The following INPP4A variants were observed in gnomAD, a reference collection of about 807,000 sequenced individuals.
The protein encoded by INPP4A is inositol polyphosphate-4-phosphatase type I A, also known as inositol polyphosphate-4-phosphatase, type I, 107kD.
In INPP4A, 33 loss-of-function variants were observed where a neutral mutation model predicts 119.8. That is an observed-to-expected ratio of 0.28 (90% CI 0.21 to 0.37). INPP4A has a LOEUF of 0.37. INPP4A is among the 10% of genes least tolerant of loss of function. INPP4A has a pLI of 1.00. For missense variants in INPP4A, 956 were observed against 1,289.9 expected (o/e 0.74, Z 3.97); for synonymous variants, 496 against 500.7 (o/e 0.99, Z 0.12).
intron 24 of INPP4A, chr2:98,581,586 C>T (rs756656651): frequency 1.4e-5 from 22 of 1,545,700 alleles, no homozygotes; most frequent in Middle Eastern, 1.7e-4. Flanking sequence ...CATTGGAACA[C>T]GGGAGGTAGT....
At position 98,474,622 on chromosome 2, in the gene INPP4A, G is replaced by A. The variant is rs143985197; in HGVS notation, c.-166+29537G>A. Among the ~76,000 whole-genome samples, 28 of 152,276 alleles carry A rather than the reference G, an allele frequency of 1.8e-4. No individual in the cohort carries two copies. The East Asian group carries it at 5.2e-3, about 28-fold the overall frequency. ...CTGGCCCTAGCCCTGGGCCTTTGTTGTACCTTGATGCCCTGGGAGGCAGCA... is the reference window on the plus strand; with the variant it reads ...CTGGCCCTAGCCCTGGGCCTTTGTTATACCTTGATGCCCTGGGAGGCAGCA... On this transcript the variant is annotated intron_variant, in intron 1 of 24. Transcript: ENST00000409851.
chr2:98,587,757 A>C lies in INPP4A; in HGVS notation c.*149A>C. On this transcript the variant is annotated 3_prime_UTR_variant, in exon 25 of 25. Transcript: ENST00000409851. ...CATTTCACTAAAGAGTCTCTGGAGC[A>C]TGTTTTTTGTTTTTTGGGTTTTTTT... 1.5e-6 allele frequency: 1 copy of C among 669,102 alleles called. No homozygotes were observed. Among genetic ancestry groups the C allele is most frequent in the Non-Finnish European group, 2.3e-6 (1 of 425,790 alleles). 41.4% of individuals were successfully genotyped at this position (669,102 alleles called of 1,614,324 possible). A position where few individuals can be genotyped will look rare whatever the true frequency, so the allele number is the denominator to read the frequency against.
At chr2:98,532,072 T>G (rs1689342339) in intron 4 of INPP4A, among the ~76,000 whole-genome samples, 1 of 152,190 alleles carries the variant, frequency 6.6e-6, no homozygotes, top group South Asian at 2.1e-4. Context: ...GTTAGTTAGA[T>G]CACCACAGGT....
At chr2:98,540,022 C>G (rs528565082) in intron 10 of INPP4A, among the ~76,000 whole-genome samples, 1 of 152,154 alleles carries the variant, frequency 6.6e-6, no homozygotes, top group Non-Finnish European at 1.5e-5. Flanking sequence ...AGCCTCTTCT[C>G]CCAGGTTCAA....
intron 1 of INPP4A, among the ~76,000 whole-genome samples, chr2:98,502,457 G>T (rs1385287500): frequency 6.6e-6 from 1 of 152,060 alleles, no homozygotes; most frequent in African/African-American, 2.4e-5. Flanking sequence ...AAATGTAAAA[G>T]CACACATAGA....
chr2:98,499,033 G>T (rs1177309985), intron 1 of INPP4A, among the ~76,000 whole-genome samples: 1 of 152,220 alleles, frequency 6.6e-6, no homozygotes, highest in East Asian at 1.9e-4. Context: ...GAATCTCAAT[G>T]CTCTTTTTGC....
rs2104868837 is a variant in INPP4A, at chr2:98,472,860, C to T, written c.-166+27775C>T. On this transcript the variant is annotated intron_variant, in intron 1 of 24. Coordinates refer to ENST00000409851, the MANE Select transcript of INPP4A (RefSeq NM_001134225.2). Reference sequence around the variant, plus strand: ...GAGTCCAGCCTCCAGGCCTCCCTCTCCATGAGGTGCTCTTTCCTGCTGCCC... The same window carrying T: ...GAGTCCAGCCTCCAGGCCTCCCTCTTCATGAGGTGCTCTTTCCTGCTGCCC... 2.0e-5 allele frequency among the ~76,000 whole-genome samples: 3 copies of T among 152,354 alleles called. 1 individual carries two copies. In the South Asian group the frequency reaches 6.2e-4, roughly 32 times the overall value.
chr2:98,583,629 G>C (rs1000453877), intron 24 of INPP4A, among the ~76,000 whole-genome samples: 1 of 152,150 alleles, frequency 6.6e-6, no homozygotes, highest in African/African-American at 2.4e-5. Context: ...ATACACTGTA[G>C]TTTATGAAGA....
chr2:98,499,262 A>G (rs186754369), intron 1 of INPP4A, among the ~76,000 whole-genome samples: 1 of 152,330 alleles, frequency 6.6e-6, no homozygotes, highest in Admixed American at 6.5e-5. Context: ...ACAGAATCGC[A>G]TGTCAGCAGT....
chr2:98,514,473 C>G (rs1488413989), intron 1 of INPP4A, among the ~76,000 whole-genome samples: 1 of 151,968 alleles, frequency 6.6e-6, no homozygotes, highest in Non-Finnish European at 1.5e-5. Flanking sequence ...TGGCTGGTTG[C>G]CAGGGTAACC....
intron 1 of INPP4A, among the ~76,000 whole-genome samples, chr2:98,462,155 T>G (rs753528473): frequency 6.6e-6 from 1 of 152,226 alleles, no homozygotes; most frequent in Non-Finnish European, 1.5e-5. Context: ...CTCTAAAATA[T>G]TACCTTCTAG....
chr2:98,562,307 A>G (rs143428468), intron 17 of INPP4A, among the ~76,000 whole-genome samples: 139 of 152,344 alleles, frequency 9.1e-4, no homozygotes, highest in African/African-American at 3.2e-3. Context: ...CACTGAGTGT[A>G]GGGAATTCTT....
chr2:98,464,236 G>A (rs1674250873), intron 1 of INPP4A, among the ~76,000 whole-genome samples: 1 of 152,116 alleles, frequency 6.6e-6, no homozygotes, highest in Non-Finnish European at 1.5e-5. Context: ...ATGGGGCAGA[G>A]GGGAGGGCAG....
In INPP4A at chr2:98,594,368, G is replaced by A. The variant is rs555476899; in HGVS notation, c.*6760G>A. 1 of 152,284 alleles carries A rather than the reference G, an allele frequency of 6.6e-6. No individual in the cohort carries two copies. Among genetic ancestry groups the A allele is most frequent in the African/African-American group, 2.4e-5 (1 of 41,556 alleles). The allele number at this position is 152,284 out of a possible 1,614,324, so 9.4% of individuals were successfully genotyped here. On this transcript the variant is annotated 3_prime_UTR_variant, in exon 25 of 25. Transcript: ENST00000409851. ...TTTTTGGTATACTGGTTGTTTAACA[G>A]TAAAAATTAAATGTTTAAAACCCAC...
intron 1 of INPP4A, among the ~76,000 whole-genome samples, chr2:98,498,770 C>G (rs1682552534): frequency 6.6e-6 from 1 of 152,162 alleles, no homozygotes; most frequent in African/African-American, 2.4e-5. Context: ...ACCCTAATCT[C>G]ATAGAACTGG....
At chr2:98,511,721 G>T (rs1685153033) in intron 1 of INPP4A, among the ~76,000 whole-genome samples, 1 of 152,150 alleles carries the variant, frequency 6.6e-6, no homozygotes, top group Non-Finnish European at 1.5e-5. Context: ...CATTTGACAG[G>T]CGAGGAAACT....
chr2:98,572,770 TC>T, intron 22 of INPP4A, 44 bp from the exon 23 acceptor site: 3 of 1,409,314 alleles, frequency 2.1e-6, no homozygotes, highest in Middle Eastern at 2.4e-4. Flanking sequence ...CCGGGGGAGT[TC>T]CTGGGTGCGT....
In INPP4A at chr2:98,555,812, C is replaced by T. The variant is rs1255589619; in HGVS notation, c.1822+4C>T. ...TGCCATCCTCATCTGACCACACGTG[C>T]GTATGCATCCATGCTTCCCATATGC... On this transcript the variant is annotated splice_donor_region_variant and intron_variant, in intron 16 of 24. Transcript: ENST00000409851. The T allele has an allele frequency of 4.5e-6, 7 of 1,549,108 alleles. No individual in the cohort carries two copies. The highest frequency in any genetic ancestry group is 2.7e-5 in the African/African-American group (2 of 73,132).
Position 98,555,684 on chromosome 2 carries a change from C to A in INPP4A, c.1698C>A (p.Ser566Arg), listed in dbSNP as rs1694332077. ...DVFPCAGSCT[S>R]KKGNPDSHAY... ...TCCCCTGTGCAGGCAGCTGCACCAG[C>A]AAGAAAGGTAACCCGGACAGCCACG... The change falls in exon 16 of 25, where the codon AGC (serine) becomes AGA (arginine). Residue 566 changes from serine (S) to arginine (R), a missense_variant. Physicochemically the swap from Ser to Arg is moderately radical, Grantham distance 110. This residue lies in a region of INPP4A where 652 missense variants were observed against 797.9 expected (regional missense o/e 0.82). Coordinates refer to ENST00000409851, the MANE Select transcript of INPP4A (RefSeq NM_001134225.2). The A allele has an allele frequency of 1.4e-5, 22 of 1,613,892 alleles. No homozygotes were observed. The highest frequency in any genetic ancestry group is 1.8e-5 in the Non-Finnish European group (21 of 1,179,820).
Sources: gnomAD v4.1 joint callset for allele counts (sites outside exome capture counted in the v4.1 genomes callset) on GRCh38, gnomAD v4.1.1 for gene constraint, gnomAD v4.1.1 regional missense constraint, MANE v1.5 for transcripts, NCBI Gene and HGNC (gene_info 2026-07-23, HGNC 2026-07-21) for gene names.